The following GPR155 variants were observed in gnomAD, a reference collection of about 807,000 sequenced individuals.
GPR155 encodes the protein G protein-coupled receptor 155.
In GPR155, 65 loss-of-function variants were observed where a neutral mutation model predicts 93.1. That is an observed-to-expected ratio of 0.70 (90% confidence interval 0.57 to 0.86). The LOEUF (loss-of-function observed/expected upper bound fraction) is 0.86. GPR155 is among the 40% of genes least tolerant of loss of function. The pLI, the probability that GPR155 is intolerant of heterozygous loss-of-function variation, is 0.00. For synonymous variants in GPR155, 319 were observed against 360.1 expected, an observed-to-expected ratio of 0.89 and a Z score of 1.29; for missense variants, 838 against 1,034.8, an observed-to-expected ratio of 0.81 and a Z score of 2.61.
At chr2:174,446,348 T>C (rs891169301) in intron 12 of GPR155, among the ~76,000 whole-genome samples, 3 of 145,106 alleles carry the variant, frequency 2.1e-5, no homozygotes, top group Non-Finnish European at 4.5e-5. Flanking sequence ...TAGCTGCTTT[T>C]ACCAAATTCT....
At chr2:174,480,358 C>CA (rs1442814357) in intron 2 of GPR155, among the ~76,000 whole-genome samples, 1 of 152,144 alleles carries the variant, frequency 6.6e-6, no homozygotes, top group Non-Finnish European at 1.5e-5. Context: ...ATAATCCCAA[C>CA]AGTCAGCACA....
At chr2:174,461,888 TTACTC>T (rs1188133069) in intron 7 of GPR155, among the ~76,000 whole-genome samples, 26 of 152,308 alleles carry the variant, frequency 1.7e-4, no homozygotes, top group African/African-American at 6.3e-4. Flanking sequence ...TATTGTTTCT[TTACTC>T]AATTCTTTTT....
intron 1 of GPR155, 95 bp from the exon 2 acceptor site, chr2:174,482,082 T>C: frequency 1.5e-6 from 1 of 648,608 alleles, no homozygotes; most frequent in East Asian, 2.7e-5. Flanking sequence ...ACTTATTAAA[T>C]GGCCAAATAA....
At chr2:174,485,655 C>T (rs1037586663) in intron 1 of GPR155, among the ~76,000 whole-genome samples, 1 of 150,698 alleles carries the variant, frequency 6.6e-6, no homozygotes. Flanking sequence ...TTTAACGTTT[C>T]TCAGTATTAT....
Position 174,459,900 on chromosome 2 carries a change from A to T in GPR155, c.1749T>A (p.Phe583Leu), listed in dbSNP as rs1212871043. The change falls in exon 10 of 16, where the codon TTT (phenylalanine) becomes TTA (leucine). Residue 583 changes from phenylalanine to leucine, a missense_variant. Physicochemically the swap from Phe to Leu is conservative, Grantham distance 22. This residue lies in a region of GPR155 where 663 missense variants were observed against 790.1 expected (regional missense o/e 0.84). Transcript: ENST00000392552. Reference protein sequence around the residue: ...SPAPVNEPELFTSSIPETSCC... With the variant: ...SPAPVNEPELLTSSIPETSCC... ...TACTTGTTTCTGGAATAGAGCTTGT[A>T]AAAAGTTCTGGTTCATTTACTGGTG... 1 of 1,611,202 alleles carries T rather than the reference A, an allele frequency of 6.2e-7. No homozygotes were observed. Among genetic ancestry groups the T allele is most frequent in the African/African-American group, 1.3e-5 (1 of 74,868 alleles).
chr2:174,445,342 T>C, intron 12 of GPR155, 166 bp from the exon 13 acceptor site: 4 of 560,886 alleles, frequency 7.1e-6, no homozygotes, highest in Non-Finnish European at 9.4e-6. Flanking sequence ...TAAGAAAGTT[T>C]CAACCTCTCC....
chr2:174,456,580 G>A (rs1013101885), intron 10 of GPR155, among the ~76,000 whole-genome samples: 2 of 152,178 alleles, frequency 1.3e-5, no homozygotes, highest in African/African-American at 2.4e-5. Context: ...TAGAATTACA[G>A]GTGTGAAACA....
intron 1 of GPR155, among the ~76,000 whole-genome samples, chr2:174,483,591 T>C (rs887964632): frequency 6.6e-6 from 1 of 152,136 alleles, no homozygotes; most frequent in Non-Finnish European, 1.5e-5. Flanking sequence ...AATTTCTTTT[T>C]CTTTTTTTTT....
At position 174,481,838 on chromosome 2, in the gene GPR155, G is replaced by A. The variant is rs757941577; in HGVS notation, c.119C>T (p.Thr40Ile). 3 of 1,614,138 alleles carry A rather than the reference G, an allele frequency of 1.9e-6. No homozygotes were observed. Among genetic ancestry groups the A allele is most frequent in the Non-Finnish European group, 2.5e-6 (3 of 1,179,950 alleles). The change falls in exon 2 of 16, where the codon ACA becomes ATA. Residue 40 changes from threonine to isoleucine, a missense_variant. This residue lies in a region of GPR155 where 663 missense variants were observed against 790.1 expected (regional missense o/e 0.84). Coordinates refer to ENST00000392552, the MANE Select transcript of GPR155 (RefSeq NM_152529.7). ...STNDPPSMSI[T>I]RLFPALLECF... ...TTCCAGTAAGGCTGGAAAAAGCCTT[G>A]TAATTGACATTGAAGGTGGGTCATT...
rs943249168 is a variant in GPR155, at chr2:174,436,378, C to A, written c.2351G>T (p.Cys784Phe). 10 of 1,614,058 alleles carry A rather than the reference C, an allele frequency of 6.2e-6. No homozygotes were observed. Among genetic ancestry groups the A allele is most frequent in the Non-Finnish European group, 8.5e-6 (10 of 1,180,030 alleles). The change falls in exon 16 of 16, where the codon TGT (cysteine) becomes TTT (phenylalanine). Residue 784 changes from cysteine (C) to phenylalanine (F), a missense_variant. Cys to Phe is a radical substitution (Grantham distance 205). Around this residue, in one of 3 missense-constraint regions of GPR155, gnomAD observed 146 missense variants for 177.5 expected, o/e 0.82. Transcript: ENST00000392552. Reference protein sequence around the residue: ...AKTSAGTFCGCDLVSWLIEVG... With the variant: ...AKTSAGTFCGFDLVSWLIEVG... ...TTCAATTAGCCAGCTCACCAGGTCA[C>A]AGCCACAGAAAGTTCCAGCAGAAGT...
intron 3 of GPR155, 46 bp from the exon 4 acceptor site, chr2:174,470,601 T>C: frequency 6.4e-7 from 1 of 1,565,130 alleles, no homozygotes; most frequent in South Asian, 1.1e-5. Context: ...CAAAGCATGG[T>C]TGTCCCCAGT....
Position 174,444,940 on chromosome 2 carries a change from A to T in GPR155, c.2109+141T>A, listed in dbSNP as rs1574698632. ...GCAGCAGCTGTCAGCTGCCATGCAT[A>T]CCAGCAGCTGGCAAACAAACTAAAT... On this transcript the variant is annotated intron_variant, in intron 13 of 15. Coordinates refer to ENST00000392552, the MANE Select transcript of GPR155 (RefSeq NM_152529.7). 4.1e-5 allele frequency: 25 copies of T among 605,622 alleles called. No individual in the cohort carries two copies. In the East Asian group the frequency reaches 6.9e-4, roughly 17 times the overall value. 37.5% of individuals were successfully genotyped at this position (605,622 alleles called of 1,614,324 possible).
intron 2 of GPR155, among the ~76,000 whole-genome samples, chr2:174,475,294 C>CAAAAAAAAAAA (rs71024809): frequency 3.0e-4 from 19 of 64,312 alleles, no homozygotes; most frequent in African/African-American, 7.2e-4. Context: ...GACTCCGTCT[C>CAAAAAAAAAAA]AAAAAAAAAA....
chr2:174,458,829 T>C (rs1253728423), intron 10 of GPR155, among the ~76,000 whole-genome samples: 3 of 152,176 alleles, frequency 2.0e-5, no homozygotes, highest in Non-Finnish European at 4.4e-5. Context: ...GGCTCACACC[T>C]GTAATCCCAG....
intron 13 of GPR155, among the ~76,000 whole-genome samples, chr2:174,444,805 C>A (rs1687068516): frequency 2.0e-5 from 3 of 151,988 alleles, no homozygotes; most frequent in African/African-American, 7.3e-5. Context: ...CCCAATGTGA[C>A]TTATTAAGAT....
chr2:174,486,623 G>C (rs898577690), intron 1 of GPR155, among the ~76,000 whole-genome samples: 1 of 152,218 alleles, frequency 6.6e-6, no homozygotes, highest in Non-Finnish European at 1.5e-5. Flanking sequence ...AACTAGGGAT[G>C]GCAGTTCTGT....
chr2:174,444,486 C>CT (rs71024807), intron 13 of GPR155, among the ~76,000 whole-genome samples: 21,940 of 89,726 alleles, frequency 0.24, 3,429 homozygotes, highest in African/African-American at 0.3. Flanking sequence ...CCAAAGTGAC[C>CT]TTTTTTTTTT....
Position 174,481,761 on chromosome 2 carries a change from T to C in GPR155, c.196A>G (p.Thr66Ala), listed in dbSNP as rs12469825. 2.8e-5 allele frequency: 46 copies of C among 1,614,098 alleles called. No individual in the cohort carries two copies. The Admixed American group carries it at 7.7e-4, about 27-fold the overall frequency. The change falls in exon 2 of 16, where the codon ACA becomes GCA. Residue 66 changes from threonine to alanine, a missense_variant. Around this residue, in one of 3 missense-constraint regions of GPR155, gnomAD observed 663 missense variants for 790.1 expected, o/e 0.84. Coordinates refer to ENST00000392552, the MANE Select transcript of GPR155 (RefSeq NM_152529.7). ...CCTAGTCCTTTGGCCTGGGTTGATG[T>C]TATGACATTGGCCCTTCCTGCTATG... is the stretch of plus-strand genomic sequence containing the variant. ...GYIAGRANVI[T>A]STQAKGLGNF... is the part of the protein sequence containing the mutation.
intron 10 of GPR155, among the ~76,000 whole-genome samples, chr2:174,456,302 G>A (rs1687515247): frequency 6.6e-6 from 1 of 150,524 alleles, no homozygotes; most frequent in Admixed American, 6.6e-5. Context: ...ACCATCCTAG[G>A]TATAATTTTT....
Sources: allele counts gnomAD v4.1 joint callset (sites outside exome capture counted in the v4.1 genomes callset), GRCh38; gene constraint gnomAD v4.1.1; regional missense constraint gnomAD v4.1.1; transcripts MANE v1.5; gene names NCBI Gene and HGNC (gene_info 2026-07-23, HGNC 2026-07-21).